Variants in NSUN3 observed in about 807,000 individuals in gnomAD.
NSUN3 encodes NOP2/Sun RNA methyltransferase 3.
NSUN3 carries 24 observed loss-of-function variants against 36.8 expected under a neutral mutation model. The ratio of observed to expected loss-of-function variants is 0.65; its 90% CI spans 0.47 to 0.92. The LOEUF (loss-of-function observed/expected upper bound fraction) is 0.92, where lower values mean the gene tolerates loss of function less well. NSUN3 is among the 40% of genes least tolerant of loss of function. The pLI is 0.00. For missense variants in NSUN3, 381 were observed against 392.8 expected (o/e 0.97, Z 0.25); for synonymous variants, 146 against 145.2 (o/e 1.01, Z -0.04).
Position 94,126,318 on chromosome 3 carries a change from G to A in NSUN3, c.851G>A (p.Gly284Asp), listed in dbSNP as rs374836696. ...DVISEILNSH[G>D]NIMPMDIKGI... ...ATCAGTGAAATTTTAAACTCCCACG[G>A]TAACATCATGCCTATGGACATTAAA... is the stretch of plus-strand genomic sequence containing the variant. The change falls in exon 6 of 6, where the codon GGT becomes GAT. Residue 284 changes from glycine to aspartate, a missense_variant. Physicochemically the swap from Gly to Asp is moderately conservative, Grantham distance 94 (BLOSUM62 -1). Coordinates refer to ENST00000314622, the MANE Select transcript of NSUN3 (RefSeq NM_022072.5). The A allele has an allele frequency of 1.7e-5, 28 of 1,613,958 alleles. No homozygotes were observed. Among genetic ancestry groups the A allele is most frequent in the South Asian group, 1.1e-5 (1 of 91,080 alleles).
chr3:94,093,411 T>C (rs919884204), intron 3 of NSUN3, among the ~76,000 whole-genome samples: 1 of 152,216 alleles, frequency 6.6e-6, no homozygotes, highest in Admixed American at 6.5e-5. Context: ...TAAACTGTAA[T>C]GTTCAGTTAG....
chr3:94,092,087 G>T (rs2077317383), intron 3 of NSUN3, among the ~76,000 whole-genome samples: 1 of 152,158 alleles, frequency 6.6e-6, no homozygotes, highest in South Asian at 2.1e-4. Context: ...GGTACTGTCT[G>T]GTTTTTTTTA....
intron 2 of NSUN3, among the ~76,000 whole-genome samples, chr3:94,078,431 G>T (rs2077255148): frequency 6.6e-6 from 1 of 152,184 alleles, no homozygotes; most frequent in East Asian, 1.9e-4. Flanking sequence ...TGGGTGGAGA[G>T]TTCTGTAGAT....
chr3:94,117,872 G>C (rs1279711106), intron 5 of NSUN3, among the ~76,000 whole-genome samples: 1 of 152,118 alleles, frequency 6.6e-6, no homozygotes, highest in Non-Finnish European at 1.5e-5. Context: ...TTTATAGGAG[G>C]CTTCTGAAGG....
intron 3 of NSUN3, 140 bp downstream of exon 3, chr3:94,084,590 A>G: frequency 3.4e-6 from 2 of 595,936 alleles, no homozygotes; most frequent in Middle Eastern, 3.8e-4. Context: ...TATGGAGAAG[A>G]ATGGAAATTT....
In NSUN3 at chr3:94,128,350, A is replaced by C. The variant is rs1250821094; in HGVS notation, c.*1860A>C. ...GAAAAGATGTTTTCTTTTTTAAGTT[A>C]TCATTATTAGTTTGTTTTTTTTATC... On this transcript the variant is annotated 3_prime_UTR_variant, in exon 6 of 6. Transcript: ENST00000314622. The C allele has an allele frequency of 6.6e-6, 1 of 152,092 alleles. No homozygotes were observed. The highest frequency in any genetic ancestry group is 6.6e-5 in the Admixed American group (1 of 15,254). The allele number at this position is 152,092 out of a possible 1,614,324, so 9.4% of individuals were successfully genotyped here. A position where few individuals can be genotyped will look rare whatever the true frequency, so the allele number is the denominator to read the frequency against.
chr3:94,072,559 G>C (rs75137831), intron 2 of NSUN3, among the ~76,000 whole-genome samples: 2,558 of 152,286 alleles, frequency 0.017, 38 homozygotes, highest in Middle Eastern at 0.075. Context: ...AACTCCCTAA[G>C]TTGAGAACAG....
intron 5 of NSUN3, among the ~76,000 whole-genome samples, chr3:94,112,115 C>G (rs1228147859): frequency 6.6e-6 from 1 of 152,142 alleles, no homozygotes; most frequent in Non-Finnish European, 1.5e-5. Flanking sequence ...GTCTTTTGTT[C>G]TATTCAGTTC....
intron 2 of NSUN3, among the ~76,000 whole-genome samples, chr3:94,069,055 A>G (rs768358893): frequency 1.4e-4 from 22 of 152,218 alleles, no homozygotes; most frequent in Non-Finnish European, 4.4e-5. Context: ...GTGACTTAAA[A>G]GTCCACGCCT....
chr3:94,073,542 T>C (rs1249816672), intron 2 of NSUN3, among the ~76,000 whole-genome samples: 1 of 152,248 alleles, frequency 6.6e-6, no homozygotes, highest in East Asian at 1.9e-4. Flanking sequence ...TTTGTATTTC[T>C]CTAATGACCA....
At chr3:94,091,657 G>C (rs1041110966) in intron 3 of NSUN3, among the ~76,000 whole-genome samples, 1 of 152,138 alleles carries the variant, frequency 6.6e-6, no homozygotes, top group Non-Finnish European at 1.5e-5. Flanking sequence ...TTCTTAACAC[G>C]TGCATGTTAA....
In NSUN3 at chr3:94,109,332, A is replaced by G. The variant is rs140865393; in HGVS notation, c.743+14178A>G. 3.1e-3 allele frequency among the ~76,000 whole-genome samples: 477 copies of G among 152,360 alleles called. 3 individuals are homozygous for G. The highest frequency in any genetic ancestry group is 0.011 in the African/African-American group (446 of 41,580). On this transcript the variant is annotated intron_variant, in intron 5 of 5. Coordinates refer to ENST00000314622, the MANE Select transcript of NSUN3 (RefSeq NM_022072.5). Reference sequence around the variant, plus strand: ...CCTTGATTTGGTAGTTAATTACACAAGAGTGTCTATCTTGCTTTGAAGGGG... The same window carrying G: ...CCTTGATTTGGTAGTTAATTACACAGGAGTGTCTATCTTGCTTTGAAGGGG...
At chr3:94,088,782 C>T (rs952153887) in intron 3 of NSUN3, among the ~76,000 whole-genome samples, 3 of 151,164 alleles carry the variant, frequency 2.0e-5, no homozygotes, top group Non-Finnish European at 4.4e-5. Flanking sequence ...AAGCAATTCT[C>T]ATGCCTCAAC....
At position 94,084,388 on chromosome 3, in the gene NSUN3, T is replaced by A. The variant is rs1262431041; in HGVS notation, c.404T>A (p.Val135Asp). The change falls in exon 3 of 6, where the codon GTT becomes GAT. Residue 135 changes from valine (V) to aspartate (D), a missense_variant. Coordinates refer to ENST00000314622, the MANE Select transcript of NSUN3 (RefSeq NM_022072.5). Reference protein sequence around the residue: ...LALELRDGEKVLDLCAAPGGK... With the variant: ...LALELRDGEKDLDLCAAPGGK... ...CTGGAATTAAGGGATGGGGAGAAGG[T>A]TCTGGATCTCTGTGCTGCTCCTGGA... The A allele has an allele frequency of 1.2e-6, 2 of 1,614,148 alleles. No homozygotes were observed. Among genetic ancestry groups the A allele is most frequent in the South Asian group, 2.2e-5 (2 of 91,078 alleles).
chr3:94,064,409 T>C, intron 1 of NSUN3, 28 bp from the exon 2 acceptor site: 2 of 1,365,174 alleles, frequency 1.5e-6, no homozygotes, highest in Non-Finnish European at 2.1e-6. Context: ...TATCACTGTG[T>C]GTCAGCAACT....
intron 3 of NSUN3, among the ~76,000 whole-genome samples, chr3:94,093,099 G>T (rs931597392): frequency 6.6e-6 from 1 of 151,964 alleles, no homozygotes; most frequent in Non-Finnish European, 1.5e-5. Flanking sequence ...GAAATAGTGG[G>T]AGATTAAAAT....
At chr3:94,080,642 C>T (rs983428865) in intron 2 of NSUN3, among the ~76,000 whole-genome samples, 1 of 152,190 alleles carries the variant, frequency 6.6e-6, no homozygotes, top group African/African-American at 2.4e-5. Context: ...GCCACAGCAG[C>T]CTTGGTGAGC....
At chr3:94,109,941 C>T (rs1302850841) in intron 5 of NSUN3, among the ~76,000 whole-genome samples, 1 of 152,002 alleles carries the variant, frequency 6.6e-6, no homozygotes, top group Non-Finnish European at 1.5e-5. Flanking sequence ...TTCTTTTTAC[C>T]ATAGATTAGT....
In NSUN3 at chr3:94,126,220, T is replaced by A. The variant is rs1379499072; in HGVS notation, c.753T>A (p.Ile251=). 5.0e-6 allele frequency: 8 copies of A among 1,611,190 alleles called. No individual in the cohort carries two copies. The highest frequency in any genetic ancestry group is 6.8e-6 in the Non-Finnish European group (8 of 1,177,984). ...TTCTGATTGCACACAGGTCTGCAAT[T>A]AAGGCCTTACGTCCTGGAGGGATAC... is the stretch of plus-strand genomic sequence containing the variant. ...LLQIELLRSA[I]KALRPGGILV... Residue 251 remains isoleucine (I), a synonymous_variant, in exon 6 of 6, where the codon ATT becomes ATA. Coordinates refer to ENST00000314622, the MANE Select transcript of NSUN3 (RefSeq NM_022072.5).
Sources: gnomAD v4.1 joint callset for allele counts (sites outside exome capture counted in the v4.1 genomes callset) on GRCh38, gnomAD v4.1.1 for gene constraint, MANE v1.5 for transcripts, NCBI Gene and HGNC (gene_info 2026-07-23, HGNC 2026-07-21) for gene names.